The following FAAP100 variants were observed in gnomAD, a reference collection of about 807,000 sequenced individuals.
The protein encoded by FAAP100 is FA core complex associated protein 100, also known as Fanconi anemia core complex-associated protein 100.
A neutral mutation model predicts 65.8 loss-of-function variants in FAAP100; 46 were observed. That is an observed-to-expected ratio of 0.70 (90% confidence interval 0.55 to 0.89). The LOEUF (loss-of-function observed/expected upper bound fraction) is 0.89, where lower values mean the gene tolerates loss of function less well. Ranked by LOEUF, FAAP100 falls within the 40% of genes least tolerant of loss-of-function variation. The pLI, the probability that FAAP100 is intolerant of heterozygous loss-of-function variation, is 0.00. For missense variants in FAAP100, 1,165 were observed against 1,196.7 expected (o/e 0.97, Z 0.39); for synonymous variants, 663 against 555.1 (o/e 1.19, Z -2.73).
At chr17:81,542,515 GC>G (rs1269360453) in intron 7 of FAAP100, among the ~76,000 whole-genome samples, 1 of 152,218 alleles carries the variant, frequency 6.6e-6, no homozygotes, top group African/African-American at 2.4e-5. Context: ...CTCCAGAAGT[GC>G]TGGTGGCTGC....
upstream of FAAP100, among the ~76,000 whole-genome samples, chr17:81,552,697 A>G: frequency 6.6e-6 from 1 of 152,096 alleles, no homozygotes; most frequent in Non-Finnish European, 1.5e-5. Context: ...CCCCGGAGCA[A>G]GCGCTCAGCT....
intron 7 of FAAP100, among the ~76,000 whole-genome samples, chr17:81,542,878 A>G (rs893445501): frequency 6.6e-6 from 1 of 152,212 alleles, no homozygotes; most frequent in African/African-American, 2.4e-5. Context: ...TGGGGACCAG[A>G]TGGTCCAGTG....
At position 81,540,911 on chromosome 17, in the gene FAAP100, A is replaced by G; in HGVS notation, c.2554T>C (p.Cys852Arg). 2 of 1,592,060 alleles carry G rather than the reference A, an allele frequency of 1.3e-6. No individual in the cohort carries two copies. The highest frequency in any genetic ancestry group is 1.7e-5 in the Admixed American group (1 of 58,260). The change falls in exon 9 of 9, where the codon TGC becomes CGC. Residue 852 changes from cysteine to arginine, a missense_variant. Transcript: ENST00000327787. ...REVQTLRDRL[C>R]TEDEASSCAT... is the part of the protein sequence containing the mutation. ...CAGGAGCTGGCCTCATCCTCCGTGC[A>G]GAGCCGGTCGCGCAGGGTCTGCACC...
chr17:81,548,048 C>T (rs1393442189), intron 4 of FAAP100: 9 of 681,338 alleles, frequency 1.3e-5, no homozygotes, highest in Non-Finnish European at 2.4e-5. Flanking sequence ...CTTGGCTCCC[C>T]AGAATGTTCC....
intron 5 of FAAP100, among the ~76,000 whole-genome samples, chr17:81,546,097 A>C (rs934007760): frequency 6.6e-6 from 1 of 152,190 alleles, no homozygotes; most frequent in East Asian, 1.9e-4. Flanking sequence ...AACAAGTCCT[A>C]CGTTGGGTGG....
Position 81,550,947 on chromosome 17 carries a change from C to G in FAAP100, c.547G>C (p.Gly183Arg). Residue 183 changes from glycine to arginine, a missense_variant, in exon 3 of 9, where the codon GGG becomes CGG. Physicochemically the swap from Gly to Arg is moderately radical, Grantham distance 125 (BLOSUM62 -2). Transcript: ENST00000327787. ...VELSSYTPPA[G>R]VPGKPAAPHF... ...GGGGCTGCAGGCTTTCCTGGGACCC[C>G]GGCTGGGGGCGTGTAGGAGGACAGC... The G allele has an allele frequency of 1.2e-6, 2 of 1,611,888 alleles. No homozygotes were observed. Among genetic ancestry groups the G allele is most frequent in the Non-Finnish European group, 1.7e-6 (2 of 1,179,582 alleles).
At position 81,540,598 on chromosome 17, in the gene FAAP100, G is replaced by C. The variant is rs940239334; in HGVS notation, c.*221C>G. 1 of 557,374 alleles carries C rather than the reference G, an allele frequency of 1.8e-6. No individual in the cohort carries two copies. Among genetic ancestry groups the C allele is most frequent in the Non-Finnish European group, 2.9e-6 (1 of 344,358 alleles). 34.5% of individuals were successfully genotyped at this position (557,374 alleles called of 1,614,324 possible). A position where few individuals can be genotyped will look rare whatever the true frequency, so the allele number is the denominator to read the frequency against. Reference sequence around the variant, plus strand: ...CCAGCAGAGGACGCGAAGCTGGACCGGCCAGGTTCAGAGCCCGCCTCGGTT... The same window carrying C: ...CCAGCAGAGGACGCGAAGCTGGACCCGCCAGGTTCAGAGCCCGCCTCGGTT... On this transcript the variant is annotated 3_prime_UTR_variant, in exon 9 of 9. Coordinates refer to ENST00000327787, the MANE Select transcript of FAAP100 (RefSeq NM_025161.6).
chr17:81,552,295 C>A lies in FAAP100; in HGVS notation c.36G>T (p.Ala12=). 6.9e-7 allele frequency: 1 copy of A among 1,443,014 alleles called. No individual in the cohort carries two copies. Among genetic ancestry groups the A allele is most frequent in the Non-Finnish European group, 9.0e-7 (1 of 1,105,740 alleles). The allele number at this position is 1,443,014 out of a possible 1,614,324, so 89.4% of individuals were successfully genotyped here. The change falls in exon 1 of 9, where the codon GCG becomes GCT. Residue 12 remains alanine (A), a synonymous_variant. Coordinates refer to ENST00000327787, the MANE Select transcript of FAAP100 (RefSeq NM_025161.6). The part of the protein sequence containing the change: ...AGAAPRVRYL[A]GFCCPLGGLA... The stretch of plus-strand genomic sequence containing the variant: ...GGCCCCCGAGAGGGCAGCAGAAGCC[C>A]GCCAGGTAGCGGACCCGCGGCGCGG...
Position 81,543,133 on chromosome 17 carries a change from G to A in FAAP100, c.2427+871C>T, listed in dbSNP as rs1175696763. ...GTGAGTTGATGTGTTCATTGGGGTC[G>A]GCCATCTGAGCCACCTGCCAGGGCT... On this transcript the variant is annotated intron_variant, in intron 7 of 8. Coordinates refer to ENST00000327787, the MANE Select transcript of FAAP100 (RefSeq NM_025161.6). Among the ~76,000 whole-genome samples, 9 of 152,188 alleles carry A rather than the reference G, an allele frequency of 5.9e-5. No individual in the cohort carries two copies. The East Asian group carries it at 7.7e-4, about 13-fold the overall frequency.
chr17:81,540,752 A>G lies in FAAP100; in HGVS notation c.*67T>C. 7.0e-7 allele frequency: 1 copy of G among 1,437,802 alleles called. No homozygotes were observed. The highest frequency in any genetic ancestry group is 9.1e-7 in the Non-Finnish European group (1 of 1,095,730). 89.1% of individuals were successfully genotyped at this position (1,437,802 alleles called of 1,614,324 possible). A position where few individuals can be genotyped will look rare whatever the true frequency, so the allele number is the denominator to read the frequency against. ...GGCCAGCTCGGTTTCCCTCTAACCCATGAGGCCTGGGGGGGCTGTGACAGA... is the reference window on the plus strand; with the variant it reads ...GGCCAGCTCGGTTTCCCTCTAACCCGTGAGGCCTGGGGGGGCTGTGACAGA... On this transcript the variant is annotated 3_prime_UTR_variant, in exon 9 of 9. Coordinates refer to ENST00000327787, the MANE Select transcript of FAAP100 (RefSeq NM_025161.6).
intron 7 of FAAP100, among the ~76,000 whole-genome samples, chr17:81,543,355 C>T (rs978216536): frequency 2.0e-5 from 3 of 152,182 alleles, no homozygotes; most frequent in South Asian, 2.1e-4. Context: ...TTTCTAGGGT[C>T]GCTGCAGACC....
intron 7 of FAAP100, among the ~76,000 whole-genome samples, chr17:81,542,376 C>T (rs2033149043): frequency 6.6e-6 from 1 of 151,270 alleles, no homozygotes; most frequent in African/African-American, 2.4e-5. Flanking sequence ...AGAGCCAGAG[C>T]TCTATCTCAA....
chr17:81,552,863 C>T (rs980105586), upstream of FAAP100, among the ~76,000 whole-genome samples: 3 of 141,988 alleles, frequency 2.1e-5, no homozygotes, highest in African/African-American at 7.8e-5. Flanking sequence ...GCCGCCCCGG[C>T]CGCCCCCGCG....
At chr17:81,548,036 C>T (rs1487047674) in intron 4 of FAAP100, 1 of 686,474 alleles carries the variant, frequency 1.5e-6, no homozygotes, top group Non-Finnish European at 2.7e-6. Context: ...CATTACCCCA[C>T]CCTTGGCTCC....
chr17:81,549,183 C>T, intron 4 of FAAP100, 23 bp downstream of exon 4: 1 of 1,609,566 alleles, frequency 6.2e-7, no homozygotes, highest in Non-Finnish European at 8.5e-7. Context: ...CAGCCTCTAC[C>T]CGGTCCGAGC....
In FAAP100 at chr17:81,551,255, G is replaced by T. The variant is rs1041924929; in HGVS notation, c.291-52C>A. 3 of 1,448,930 alleles carry T rather than the reference G, an allele frequency of 2.1e-6. No individual in the cohort carries two copies. The East Asian group carries it at 7.6e-5, about 36-fold the overall frequency. The allele number at this position is 1,448,930 out of a possible 1,614,324, so 89.8% of individuals were successfully genotyped here. ...GGCCTGGGCAGGGTGGGATTCCCAC[G>T]TTCTCTTCACAATAACCTGGCATGG... On this transcript the variant is annotated intron_variant, in intron 2 of 8. Transcript: ENST00000327787.
intron 7 of FAAP100, 26 bp downstream of exon 7, chr17:81,543,978 C>T (rs2033206395): frequency 6.3e-7 from 1 of 1,591,316 alleles, no homozygotes; most frequent in Non-Finnish European, 8.6e-7. Context: ...CAGATCCTGG[C>T]CACCTTCCCC....
Position 81,551,969 on chromosome 17 carries a change from C to A in FAAP100, c.249G>T (p.Arg83Ser). 3 of 1,564,724 alleles carry A rather than the reference C, an allele frequency of 1.9e-6. No individual in the cohort carries two copies. ...GGTCCAGCGACAGGCAGTAGAGGCC[C>A]CTCCGGGCGCACAGCGCGTACAGCA... is the stretch of plus-strand genomic sequence containing the variant. ...RRLLYALCAR[R>S]GLYCLSLDHP... The change falls in exon 2 of 9, where the codon AGG becomes AGT. Residue 83 changes from arginine (R) to serine (S), a missense_variant. Arg to Ser is a moderately radical substitution (Grantham distance 110). Coordinates refer to ENST00000327787, the MANE Select transcript of FAAP100 (RefSeq NM_025161.6).
Position 81,551,215 on chromosome 17 carries a change from G to T in FAAP100, c.291-12C>A. ...CCTGGCTCGTAGACCTTTGAGAACA[G>T]GGACGCACTGGTCAGGCCTGGGCAG... On this transcript the variant is annotated splice_polypyrimidine_tract_variant and intron_variant, in intron 2 of 8. Transcript: ENST00000327787. 1 of 1,502,910 alleles carries T rather than the reference G, an allele frequency of 6.7e-7. No individual in the cohort carries two copies. The highest frequency in any genetic ancestry group is 1.3e-5 in the South Asian group (1 of 77,010). 93.1% of individuals were successfully genotyped at this position (1,502,910 alleles called of 1,614,324 possible).
Sources: gnomAD v4.1 joint callset for allele counts (sites outside exome capture counted in the v4.1 genomes callset) on GRCh38, gnomAD v4.1.1 for gene constraint, MANE v1.5 for transcripts, NCBI Gene and HGNC (gene_info 2026-07-23, HGNC 2026-07-21) for gene names.